VAMP4: variants seen among roughly 807,000 people sequenced by gnomAD.
The protein encoded by VAMP4 is vesicle-associated membrane protein 4.
In VAMP4, 19 loss-of-function variants were observed where a neutral mutation model predicts 23.5. The observed-to-expected ratio is 0.81, with a 90% CI of 0.56 to 1.19. The LOEUF is 1.19. VAMP4 is among the 50% of genes most tolerant of loss of function. VAMP4 has a pLI of 0.00. For missense variants in VAMP4, 145 were observed against 168.6 expected (o/e 0.86, Z 0.78); for synonymous variants, 31 against 51.0 (o/e 0.61, Z 1.67).
rs1369556900 is a variant in VAMP4 at position 171,738,583 on chromosome 1, C to T, written c.-49-120G>A. On this transcript the variant is annotated intron_variant, in intron 1 of 7. Coordinates refer to ENST00000236192, the MANE Select transcript of VAMP4 (RefSeq NM_003762.5). ...TCCCTCATTTTTCTGACTTCAATTC[C>T]TGCCCTCTCACTTGTTCCACTCCAG... The T allele has an allele frequency of 4.9e-5, 31 of 637,122 alleles. 1 individual carries two copies. Among genetic ancestry groups the T allele is most frequent in the Non-Finnish European group, 7.3e-5 (27 of 371,906 alleles). 39.5% of individuals were successfully genotyped at this position (637,122 alleles called of 1,614,324 possible).
At chr1:171,728,693 G>A (rs1655454684) in intron 2 of VAMP4, 123 bp from the exon 3 acceptor site, 1 of 890,674 alleles carries the variant, frequency 1.1e-6, no homozygotes, top group South Asian at 2.2e-5. Context: ...CATAAAGAGG[G>A]AAAAGTAATT....
chr1:171,707,658 T>A (rs182485928), intron 6 of VAMP4, among the ~76,000 whole-genome samples: 2 of 152,226 alleles, frequency 1.3e-5, no homozygotes, highest in East Asian at 3.9e-4. Context: ...AAATGAAGAA[T>A]ACTCGCTACT....
At chr1:171,726,988 T>C (rs938508074) in intron 3 of VAMP4, among the ~76,000 whole-genome samples, 1 of 151,982 alleles carries the variant, frequency 6.6e-6, no homozygotes, top group Non-Finnish European at 1.5e-5. Context: ...TCCCAGCACT[T>C]TGGAAGGCTG....
chr1:171,726,698 T>C (rs1317013967), intron 3 of VAMP4, among the ~76,000 whole-genome samples: 1 of 151,986 alleles, frequency 6.6e-6, no homozygotes, highest in African/African-American at 2.4e-5. Context: ...AAGTCAAAAC[T>C]ATAAAACTCC....
At chr1:171,715,041 A>AAAGTTCT (rs1278317299) in intron 4 of VAMP4, among the ~76,000 whole-genome samples, 1 of 152,170 alleles carries the variant, frequency 6.6e-6, no homozygotes, top group Non-Finnish European at 1.5e-5. Flanking sequence ...GGATGGTGAG[A>AAAGTTCT]AAGTTCTAGG....
intron 6 of VAMP4, among the ~76,000 whole-genome samples, chr1:171,706,762 CTT>C (rs1471941662): frequency 6.6e-6 from 1 of 152,140 alleles, no homozygotes; most frequent in Non-Finnish European, 1.5e-5. Context: ...TTCATCATAT[CTT>C]GACACTTGAA....
intron 2 of VAMP4, 133 bp from the exon 3 acceptor site, chr1:171,728,703 T>A: frequency 1.3e-6 from 1 of 778,506 alleles, no homozygotes; most frequent in Non-Finnish European, 2.0e-6. Context: ...GAAAAGTAAT[T>A]ACATATCCTT....
At chr1:171,726,336 C>T (rs1298170181) in intron 3 of VAMP4, among the ~76,000 whole-genome samples, 1 of 152,232 alleles carries the variant, frequency 6.6e-6, no homozygotes, top group Admixed American at 6.5e-5. Context: ...AGGCGTGAGC[C>T]ACTGCACCCA....
chr1:171,729,779 C>A (rs1037056527), intron 2 of VAMP4, among the ~76,000 whole-genome samples: 4 of 152,192 alleles, frequency 2.6e-5, no homozygotes, highest in African/African-American at 9.7e-5. Context: ...CCCGCCTTAG[C>A]CTCCTAAGTA....
At chr1:171,709,219 C>A (rs1008871862) in intron 6 of VAMP4, among the ~76,000 whole-genome samples, 2 of 151,766 alleles carry the variant, frequency 1.3e-5, no homozygotes, top group African/African-American at 4.8e-5. Flanking sequence ...TTCTTAACTC[C>A]ATTTGTCTTA....
At chr1:171,714,542 C>T (rs1270770468) in intron 4 of VAMP4, among the ~76,000 whole-genome samples, 1 of 152,126 alleles carries the variant, frequency 6.6e-6, no homozygotes, top group Non-Finnish European at 1.5e-5. Flanking sequence ...GAGGCTGAGG[C>T]AGGAGGATCG....
At chr1:171,718,785 C>G (rs1201762126) in intron 4 of VAMP4, among the ~76,000 whole-genome samples, 3 of 152,038 alleles carry the variant, frequency 2.0e-5, no homozygotes, top group African/African-American at 4.8e-5. Flanking sequence ...ATAAGGTAAT[C>G]AAGTCATAAA....
intron 2 of VAMP4, among the ~76,000 whole-genome samples, chr1:171,731,122 C>G (rs529075087): frequency 1.3e-5 from 2 of 151,900 alleles, no homozygotes; most frequent in Non-Finnish European, 2.9e-5. Context: ...GTATCTTTTA[C>G]GTGCTTCTAT....
At chr1:171,728,628 C>T (rs892713707) in intron 2 of VAMP4, 58 bp from the exon 3 acceptor site, 44 of 1,505,164 alleles carry the variant, frequency 2.9e-5, no homozygotes, top group Middle Eastern at 1.8e-4. Flanking sequence ...TAAAATGTCA[C>T]AGAGGAGTAA....
At chr1:171,731,102 G>T (rs1024901036) in intron 2 of VAMP4, among the ~76,000 whole-genome samples, 10 of 151,780 alleles carry the variant, frequency 6.6e-5, no homozygotes, top group Non-Finnish European at 1.3e-4. Context: ...CATTTAACAA[G>T]TATTTTTGTG....
chr1:171,712,124 T>C (rs907587038), intron 4 of VAMP4, among the ~76,000 whole-genome samples: 2 of 152,124 alleles, frequency 1.3e-5, no homozygotes, highest in African/African-American at 4.8e-5. Context: ...TCTCCAAACA[T>C]AGCCTGTCAT....
intron 5 of VAMP4, among the ~76,000 whole-genome samples, chr1:171,710,175 T>C (rs1024258450): frequency 1.5e-4 from 23 of 151,552 alleles, no homozygotes; most frequent in Admixed American, 2.6e-4. Context: ...ATTTTAAATG[T>C]GACTAAGCGA....
chr1:171,737,410 C>T (rs186138707), intron 2 of VAMP4, among the ~76,000 whole-genome samples: 6 of 152,060 alleles, frequency 3.9e-5, no homozygotes, highest in Admixed American at 1.3e-4. Flanking sequence ...CTTTTAAATG[C>T]GGCATAATTT....
intron 6 of VAMP4, among the ~76,000 whole-genome samples, chr1:171,706,700 T>C (rs1654665948): frequency 6.6e-6 from 1 of 152,158 alleles, no homozygotes. Context: ...AAAAGTGCTA[T>C]AAACTGCTAC....
Sources: allele counts gnomAD v4.1 joint callset (sites outside exome capture counted in the v4.1 genomes callset), GRCh38; gene constraint gnomAD v4.1.1; transcripts MANE v1.5; gene names NCBI Gene and HGNC (gene_info 2026-07-23, HGNC 2026-07-21).